Variants in EYS observed in about 807,000 individuals in gnomAD.
The protein encoded by EYS is protein eyes shut homolog.
In EYS, 250 loss-of-function variants were observed where a neutral mutation model predicts 282.1. The observed-to-expected ratio is 0.89, with a 90% CI of 0.80 to 0.98. The LOEUF is 0.98. EYS is among the 50% of genes least tolerant of loss of function. The pLI is 0.00. For missense variants in EYS, 4,016 were observed against 3,709.0 expected (o/e 1.08, Z -2.15); for synonymous variants, 1,355 against 1,282.9 (o/e 1.06, Z -1.20).
At chr6:65,333,211 C>A (rs1025411786) in intron 11 of EYS, among the ~76,000 whole-genome samples, 1 of 151,456 alleles carries the variant, frequency 6.6e-6, no homozygotes, top group Non-Finnish European at 1.5e-5. Context: ...CACTGCATCA[C>A]CCACATCCCA....
chr6:63,883,280 A>G (rs144628653), intron 35 of EYS, among the ~76,000 whole-genome samples: 52 of 152,256 alleles, frequency 3.4e-4, no homozygotes, highest in African/African-American at 1.2e-3. Flanking sequence ...CTTGCTTCAC[A>G]TGTCCTTGGT....
chr6:64,720,431 G>A (rs1771541242), intron 22 of EYS, among the ~76,000 whole-genome samples: 2 of 152,068 alleles, frequency 1.3e-5, no homozygotes, highest in Non-Finnish European at 2.9e-5. Flanking sequence ...ATATTCACAG[G>A]TTCTTGGTAT....
In EYS at chr6:64,263,881, C is replaced by T. The variant is rs11964165; in HGVS notation, c.6192-33057G>A. 9.1e-3 allele frequency among the ~76,000 whole-genome samples: 1,389 copies of T among 152,186 alleles called. 17 individuals carry two copies. Among genetic ancestry groups the T allele is most frequent in the African/African-American group, 0.031 (1,300 of 41,554 alleles). ...GCAACATCTTCTCTCAATAAAAGAA[C>T]AAGATAAAGCCTGCAGCTTCAAATA... On this transcript the variant is annotated intron_variant, in intron 30 of 42. Coordinates refer to ENST00000503581, the MANE Select transcript of EYS (RefSeq NM_001142800.2).
At position 64,285,107 on chromosome 6, in the gene EYS, T is replaced by C. The variant is rs767919896; in HGVS notation, c.6191+21863A>G. ...GATTTTATTTTCTATCCCATTGTCA[T>C]GGTGCAAAGTTTGTGAACTTTTATG... On this transcript the variant is annotated intron_variant, in intron 30 of 42. Coordinates refer to ENST00000503581, the MANE Select transcript of EYS (RefSeq NM_001142800.2). Among the ~76,000 whole-genome samples the C allele has an allele frequency of 7.4e-4, 112 of 152,206 alleles. 2 individuals are homozygous for C. The highest frequency in any genetic ancestry group is 3.6e-3 in the Admixed American group (55 of 15,272).
Position 65,296,089 on chromosome 6 carries a change from T to C in EYS, c.1797A>G (p.Arg599=). Residue 599 remains arginine, a synonymous_variant, in exon 12 of 43, where the codon AGA becomes AGG. Coordinates refer to ENST00000503581, the MANE Select transcript of EYS (RefSeq NM_001142800.2). The part of the protein sequence containing the change: ...RCSCSLSYIG[R]LCVVNVDYCL... ...AATAGTCAACATTGACAACACACAA[T>C]CTGCCAATGTAACTAAGAGAACAGC... 1 of 1,549,870 alleles carries C rather than the reference T, an allele frequency of 6.5e-7. No individual in the cohort carries two copies. The highest frequency in any genetic ancestry group is 1.2e-5 in the South Asian group (1 of 83,710).
intron 12 of EYS, among the ~76,000 whole-genome samples, chr6:65,094,398 T>C (rs1286678837): frequency 6.8e-6 from 1 of 146,494 alleles, no homozygotes; most frequent in African/African-American, 2.5e-5. Context: ...ATATGAAAGA[T>C]TCCATACAAT....
chr6:64,848,337 A>C (rs1765779085), intron 19 of EYS, among the ~76,000 whole-genome samples: 1 of 152,050 alleles, frequency 6.6e-6, no homozygotes, highest in South Asian at 2.1e-4. Context: ...TTTAAAAATC[A>C]AATGTTTATA....
chr6:65,666,891 AAAAT>A lies in EYS; in HGVS notation c.-447-27003_-447-27000del, dbSNP rs775900089. Among the ~76,000 whole-genome samples, 51 of 150,772 alleles carry A rather than the reference AAAAT, an allele frequency of 3.4e-4. No homozygotes were observed. In the South Asian group the frequency reaches 9.5e-3, roughly 28 times the overall value. On this transcript the variant is annotated intron_variant, in intron 1 of 42. Transcript: ENST00000503581. ...AAATACATAAAAATAATAAAAATTA[AAAAT>A]AAATAAAAAATACATAAAAAATATA... is the stretch of plus-strand genomic sequence containing the variant.
At chr6:65,645,402 C>A (rs954527023) in intron 1 of EYS, among the ~76,000 whole-genome samples, 1 of 152,082 alleles carries the variant, frequency 6.6e-6, no homozygotes, top group African/African-American at 2.4e-5. Flanking sequence ...CATGCAAATA[C>A]ATGGAAATTA....
intron 35 of EYS, among the ~76,000 whole-genome samples, chr6:63,970,583 C>G (rs1441687111): frequency 6.7e-6 from 1 of 149,852 alleles, no homozygotes; most frequent in Non-Finnish European, 1.5e-5. Context: ...TGCTGTAAGT[C>G]GAGATCACAC....
At chr6:64,445,061 T>A (rs183187122) in intron 26 of EYS, among the ~76,000 whole-genome samples, 559 of 152,322 alleles carry the variant, frequency 3.7e-3, no homozygotes, top group Middle Eastern at 6.8e-3. Context: ...CAAAACAGAC[T>A]AACACACTAT....
At chr6:64,096,536 A>G (rs879562529) in intron 31 of EYS, among the ~76,000 whole-genome samples, 118 of 152,128 alleles carry the variant, frequency 7.8e-4, no homozygotes, top group Non-Finnish European at 9.1e-4. Flanking sequence ...CTTCCAGTTG[A>G]TCGAATCAGC....
At chr6:64,464,052 A>C (rs756211446) in intron 26 of EYS, among the ~76,000 whole-genome samples, 36 of 152,188 alleles carry the variant, frequency 2.4e-4, no homozygotes, top group Non-Finnish European at 4.7e-4. Context: ...TTCTCAACAA[A>C]ATACTAGCAA....
chr6:65,128,304 A>AT lies in EYS; in HGVS notation c.2024-70578dup, dbSNP rs531902694. Among the ~76,000 whole-genome samples the AT allele has an allele frequency of 6.1e-3, 932 of 152,168 alleles. 11 individuals are homozygous for AT. The highest frequency in any genetic ancestry group is 0.021 in the African/African-American group (882 of 41,548). Reference sequence around the variant, plus strand: ...TACCCATTGTCACTACACCTATTCAATATAGTATTGAAAATCCTAGCTAGA... The same window carrying AT: ...TACCCATTGTCACTACACCTATTCAATTATAGTATTGAAAATCCTAGCTAGA... On this transcript the variant is annotated intron_variant, in intron 12 of 42. Coordinates refer to ENST00000503581, the MANE Select transcript of EYS (RefSeq NM_001142800.2).
chr6:65,408,644 T>G (rs940615671), intron 5 of EYS, among the ~76,000 whole-genome samples: 35 of 152,148 alleles, frequency 2.3e-4, no homozygotes, highest in African/African-American at 8.2e-4. Context: ...GACTAAAGAT[T>G]TGTCCATTTC....
chr6:63,811,410 GTTGA>G (rs1490274018), intron 36 of EYS, among the ~76,000 whole-genome samples: 2 of 152,272 alleles, frequency 1.3e-5, no homozygotes, highest in African/African-American at 4.8e-5. Context: ...AACTGACAAG[GTTGA>G]TTATTTCTTT....
chr6:65,037,150 T>G (rs1438259874), intron 13 of EYS, among the ~76,000 whole-genome samples: 1 of 151,940 alleles, frequency 6.6e-6, no homozygotes, highest in Non-Finnish European at 1.5e-5. Context: ...TGAGATCATA[T>G]TCTTTGTAGC....
chr6:63,844,509 C>T (rs987765658), intron 36 of EYS, among the ~76,000 whole-genome samples: 1 of 152,188 alleles, frequency 6.6e-6, no homozygotes, highest in African/African-American at 2.4e-5. Flanking sequence ...ACAACCTCTC[C>T]AGCATCTGTT....
chr6:63,964,279 G>C (rs1472365265), intron 35 of EYS, among the ~76,000 whole-genome samples: 2 of 152,206 alleles, frequency 1.3e-5, no homozygotes, highest in African/African-American at 4.8e-5. Context: ...TTCTTATGCT[G>C]TGCATCTTAG....
Sources: gnomAD v4.1 joint callset for allele counts (sites outside exome capture counted in the v4.1 genomes callset) on GRCh38, gnomAD v4.1.1 for gene constraint, MANE v1.5 for transcripts, NCBI Gene and HGNC (gene_info 2026-07-23, HGNC 2026-07-21) for gene names.